The following UAP1 variants were observed in gnomAD, a reference collection of about 807,000 sequenced individuals.
UAP1 encodes the protein UDP-N-acetylhexosamine pyrophosphorylase.
UAP1 carries 25 observed loss-of-function variants against 58.5 expected under a neutral mutation model. That is an observed-to-expected ratio of 0.43 (90% CI 0.31 to 0.60). The LOEUF (loss-of-function observed/expected upper bound fraction) is 0.60, where lower values mean the gene tolerates loss of function less well. Among genes scored for constraint, UAP1 ranks in the 20% least tolerant of loss-of-function variants. The pLI, the probability that UAP1 is intolerant of heterozygous loss-of-function variation, is 0.11. For synonymous variants in UAP1, 208 were observed against 213.0 expected (o/e 0.98, Z 0.21); for missense variants, 575 against 630.0 (o/e 0.91, Z 0.93).
chr1:162,579,116 T>C (rs1463317802), intron 3 of UAP1, among the ~76,000 whole-genome samples: 1 of 152,226 alleles, frequency 6.6e-6, no homozygotes, highest in Non-Finnish European at 1.5e-5. Context: ...ATTTCAAATT[T>C]AAAATACACT....
At chr1:162,579,650 T>G in intron 4 of UAP1, 47 bp downstream of exon 4, 1 of 1,373,076 alleles carries the variant, frequency 7.3e-7, no homozygotes. Context: ...GATAACAACA[T>G]AAATCATCAA....
At chr1:162,585,210 T>C (rs1002135494) in intron 5 of UAP1, among the ~76,000 whole-genome samples, 1 of 152,174 alleles carries the variant, frequency 6.6e-6, no homozygotes, top group Non-Finnish European at 1.5e-5. Context: ...TTTTTCTGGA[T>C]TAAACTTATG....
chr1:162,587,821 A>C, intron 6 of UAP1, 153 bp downstream of exon 6: 2 of 768,700 alleles, frequency 2.6e-6, no homozygotes, highest in Non-Finnish European at 4.1e-6. Context: ...TCATGTTGTG[A>C]TTGTTTTTAG....
intron 9 of UAP1, among the ~76,000 whole-genome samples, chr1:162,595,194 C>G (rs952380908): frequency 3.9e-5 from 6 of 152,168 alleles, no homozygotes; most frequent in African/African-American, 1.4e-4. Context: ...TCTGTTTTCC[C>G]TCCTTCAGGG....
intron 2 of UAP1, among the ~76,000 whole-genome samples, chr1:162,574,748 T>C (rs1270994415): frequency 1.3e-5 from 2 of 152,208 alleles, no homozygotes; most frequent in African/African-American, 4.8e-5. Flanking sequence ...ACTGAGACTG[T>C]CCACTTTTGA....
At chr1:162,577,908 C>A (rs1401300901) in intron 3 of UAP1, among the ~76,000 whole-genome samples, 1 of 151,874 alleles carries the variant, frequency 6.6e-6, no homozygotes, top group Non-Finnish European at 1.5e-5. Context: ...CCGCACCCGG[C>A]TATTTTTTTT....
chr1:162,588,243 CT>C (rs1655037389), intron 6 of UAP1: 1 of 155,300 alleles, frequency 6.4e-6, no homozygotes, highest in African/African-American at 2.4e-5. Flanking sequence ...GAAGGACATT[CT>C]CACTATCGAT....
At chr1:162,581,240 T>A (rs1654567423) in intron 4 of UAP1, 47 bp from the exon 5 acceptor site, 1 of 1,555,218 alleles carries the variant, frequency 6.4e-7, no homozygotes, top group African/African-American at 1.4e-5. Context: ...TGTGTTACCT[T>A]TATGATGGAT....
chr1:162,592,772 G>A, exon 9 of UAP1: 3 of 1,550,292 alleles, frequency 1.9e-6, no homozygotes, highest in Non-Finnish European at 2.6e-6. Context: ...CACAGCTGAT[G>A]TCAATCACAA....
At chr1:162,585,359 G>A (rs1400101975) in intron 5 of UAP1, among the ~76,000 whole-genome samples, 3 of 151,796 alleles carry the variant, frequency 2.0e-5, no homozygotes, top group African/African-American at 4.8e-5. Context: ...CCAGGTTCAA[G>A]TGATTCTGCT....
chr1:162,598,893 G>C (rs1039195823), intron 10 of UAP1, among the ~76,000 whole-genome samples: 3 of 152,034 alleles, frequency 2.0e-5, no homozygotes, highest in Admixed American at 2.0e-4. Flanking sequence ...GCAGGCGCCT[G>C]TAGTTCCACC....
intron 9 of UAP1, among the ~76,000 whole-genome samples, chr1:162,595,916 A>C (rs1326062577): frequency 1.3e-5 from 2 of 152,192 alleles, no homozygotes; most frequent in South Asian, 4.2e-4. Context: ...CAGTGGAGCG[A>C]TCTCAGCTCA....
chr1:162,570,446 CT>C (rs751102055), intron 2 of UAP1, among the ~76,000 whole-genome samples: 5 of 152,100 alleles, frequency 3.3e-5, no homozygotes, highest in Non-Finnish European at 7.4e-5. Flanking sequence ...AGTTTTGCTC[CT>C]TTTGCTTTCT....
At chr1:162,597,670 C>G (rs549632871) in intron 9 of UAP1, 122 bp from the exon 10 acceptor site, 1 of 729,034 alleles carries the variant, frequency 1.4e-6, no homozygotes, top group Non-Finnish European at 2.3e-6. Context: ...AGCATCTATT[C>G]CATTTGTTTA....
chr1:162,566,456 A>G, intron 2 of UAP1, 108 bp downstream of exon 2: 1 of 1,166,380 alleles, frequency 8.6e-7, no homozygotes, highest in South Asian at 1.7e-5. Context: ...ACATTAAACC[A>G]GGTGACCTAG....
intron 2 of UAP1, among the ~76,000 whole-genome samples, chr1:162,575,377 G>A (rs1654115212): frequency 6.6e-6 from 1 of 152,092 alleles, no homozygotes; most frequent in African/African-American, 2.4e-5. Context: ...CCTACAAAAG[G>A]CGTTTTAATA....
intron 2 of UAP1, among the ~76,000 whole-genome samples, chr1:162,572,342 A>AG (rs1206583568): frequency 6.6e-6 from 1 of 152,232 alleles, no homozygotes; most frequent in African/African-American, 2.4e-5. Flanking sequence ...AACCCATCTA[A>AG]GGAAGAGAAA....
At chr1:162,590,591 T>TCG in intron 8 of UAP1, 80 bp downstream of exon 8, 2 of 1,237,722 alleles carry the variant, frequency 1.6e-6, no homozygotes, top group East Asian at 2.5e-5. Context: ...TCTCTCTCTC[T>TCG]GTATTCCTAG....
intron 5 of UAP1, 31 bp downstream of exon 5, chr1:162,581,490 T>C: frequency 1.9e-6 from 3 of 1,599,436 alleles, no homozygotes; most frequent in Non-Finnish European, 2.6e-6. Context: ...GGTGAGGCTT[T>C]TGATGGTCTT....
Sources: gnomAD v4.1 joint callset for allele counts (sites outside exome capture counted in the v4.1 genomes callset) on GRCh38, gnomAD v4.1.1 for gene constraint, MANE v1.5 for transcripts, NCBI Gene and HGNC (gene_info 2026-07-23, HGNC 2026-07-21) for gene names.